The following PDE11A variants were observed in gnomAD, a reference collection of about 807,000 sequenced individuals.
The protein encoded by PDE11A is dual 3',5'-cyclic-AMP and -GMP phosphodiesterase 11A.
In PDE11A, 100 loss-of-function variants were observed where a neutral mutation model predicts 100.5. The ratio of observed to expected loss-of-function variants is 1.00; its 90% CI spans 0.85 to 1.18. The LOEUF (loss-of-function observed/expected upper bound fraction) is 1.18, where lower values mean the gene tolerates loss of function less well. Among genes scored for constraint, PDE11A ranks in the 50% most tolerant of loss-of-function variants. The probability of loss-of-function intolerance (pLI) is 0.00; values close to 1 mark genes in which losing one functional copy is unlikely to be tolerated. For missense variants in PDE11A, 1,141 were observed against 1,152.6 expected (o/e 0.99, Z 0.15); for synonymous variants, 381 against 420.8 (o/e 0.91, Z 1.16).
chr2:177,657,620 G>A lies in PDE11A; in HGVS notation c.2646+6246C>T, dbSNP rs4110136. 2.2e-4 allele frequency among the ~76,000 whole-genome samples: 34 copies of A among 151,964 alleles called. No homozygotes were observed. The South Asian group carries it at 7.1e-3, about 32-fold the overall frequency. ...AGCAAATGGAAATATTAGGGGAAGAGGGGGAGTGGGGAGAGGGGCAGGGAG... is the reference window on the plus strand; with the variant it reads ...AGCAAATGGAAATATTAGGGGAAGAAGGGGAGTGGGGAGAGGGGCAGGGAG... On this transcript the variant is annotated intron_variant, in intron 19 of 19. Coordinates refer to ENST00000286063, the MANE Select transcript of PDE11A (RefSeq NM_016953.4).
chr2:177,955,113 TG>T (rs1444218857), intron 2 of PDE11A, among the ~76,000 whole-genome samples: 1 of 152,166 alleles, frequency 6.6e-6, no homozygotes, highest in East Asian at 1.9e-4. Context: ...ATTAAAACAA[TG>T]GGAAAGGCTT....
intron 1 of PDE11A, among the ~76,000 whole-genome samples, chr2:178,023,418 G>A (rs2086438731): frequency 1.3e-5 from 2 of 152,202 alleles, no homozygotes; most frequent in African/African-American, 4.8e-5. Context: ...CCTAAGGCAA[G>A]ATTCAGAGTT....
chr2:177,654,230 A>C (rs16865524), intron 19 of PDE11A, among the ~76,000 whole-genome samples: 15,034 of 152,274 alleles, frequency 0.099, 928 homozygotes, highest in East Asian at 0.18. Context: ...TTCAAAGGAT[A>C]ATGTGAAAGT....
chr2:177,982,016 A>G (rs532171921), intron 2 of PDE11A, among the ~76,000 whole-genome samples: 1 of 151,092 alleles, frequency 6.6e-6, no homozygotes, highest in Non-Finnish European at 1.5e-5. Context: ...CTGGGCCTGC[A>G]AAAGTATATA....
At chr2:177,687,531 T>G (rs902679355) in intron 15 of PDE11A, 71 of 152,244 alleles carry the variant, frequency 4.7e-4, no homozygotes, top group African/African-American at 1.7e-3. Context: ...TGATGTATGC[T>G]ATTTCCATCT....
At chr2:177,754,648 G>A (rs1460934491) in intron 10 of PDE11A, among the ~76,000 whole-genome samples, 1 of 150,454 alleles carries the variant, frequency 6.6e-6, no homozygotes, top group South Asian at 2.1e-4. Context: ...TCAGTGTCAG[G>A]GGCAGCATTG....
chr2:177,631,655 G>GTA (rs1559117696), intron 19 of PDE11A, among the ~76,000 whole-genome samples: 1 of 132,374 alleles, frequency 7.6e-6, no homozygotes, highest in Non-Finnish European at 1.5e-5. Flanking sequence ...ATATGTGTGT[G>GTA]TATATATATA....
At chr2:178,053,114 A>T (rs1170137666) in intron 1 of PDE11A, among the ~76,000 whole-genome samples, 1 of 152,250 alleles carries the variant, frequency 6.6e-6, no homozygotes, top group Non-Finnish European at 1.5e-5. Context: ...AAAAATCCTC[A>T]ATAAAATACT....
rs907208350 is a variant in PDE11A at position 177,897,955 on chromosome 2, C to T, written c.1302+103G>A. 1.1e-4 allele frequency: 110 copies of T among 999,012 alleles called. No homozygotes were observed. The African/African-American group carries it at 1.6e-3, about 15-fold the overall frequency. The allele number at this position is 999,012 out of a possible 1,614,324, so 61.9% of individuals were successfully genotyped here. A position where few individuals can be genotyped will look rare whatever the true frequency, so the allele number is the denominator to read the frequency against. On this transcript the variant is annotated intron_variant, in intron 4 of 19. Transcript: ENST00000286063. ...AAGTTGCCCCATGGTTGAAGAGTCACGAAGAGTGAATCAAGTCACAATTTC... is the reference window on the plus strand; with the variant it reads ...AAGTTGCCCCATGGTTGAAGAGTCATGAAGAGTGAATCAAGTCACAATTTC...
At chr2:177,710,656 T>G (rs993572974) in intron 13 of PDE11A, among the ~76,000 whole-genome samples, 1 of 152,104 alleles carries the variant, frequency 6.6e-6, no homozygotes, top group South Asian at 2.1e-4. Context: ...CAGGAAATGA[T>G]AGGATATTGA....
At chr2:178,088,637 G>C (rs571855617) in intron 2 of PDE11A, among the ~76,000 whole-genome samples, 2 of 152,320 alleles carry the variant, frequency 1.3e-5, no homozygotes, top group East Asian at 3.9e-4. Context: ...ATGAAGACAT[G>C]AATTAGAATT....
chr2:177,687,414 A>G (rs926288015), intron 15 of PDE11A: 2 of 152,224 alleles, frequency 1.3e-5, no homozygotes, highest in African/African-American at 4.8e-5. Flanking sequence ...GTTTATACAA[A>G]TACGGTCATC....
chr2:177,765,628 C>T (rs1386140805), intron 10 of PDE11A, among the ~76,000 whole-genome samples: 1 of 152,188 alleles, frequency 6.6e-6, no homozygotes, highest in Non-Finnish European at 1.5e-5. Flanking sequence ...CTGACCCATT[C>T]TATCGGGAGC....
intron 2 of PDE11A, among the ~76,000 whole-genome samples, chr2:178,091,905 T>C (rs1028704035): frequency 2.0e-5 from 3 of 152,194 alleles, no homozygotes; most frequent in Non-Finnish European, 4.4e-5. Flanking sequence ...AGTATCTTAA[T>C]GCAGAAAGAT....
chr2:178,003,623 G>A (rs962248984), intron 2 of PDE11A, among the ~76,000 whole-genome samples: 23 of 152,148 alleles, frequency 1.5e-4, no homozygotes, highest in Non-Finnish European at 2.6e-4. Context: ...GTTTCTTCTG[G>A]GGTGATGGAA....
chr2:178,019,847 G>A (rs2086384335), intron 1 of PDE11A, among the ~76,000 whole-genome samples: 1 of 152,202 alleles, frequency 6.6e-6, no homozygotes, highest in Non-Finnish European at 1.5e-5. Flanking sequence ...TTACTGGAAT[G>A]GGGGAGATTG....
intron 1 of PDE11A, among the ~76,000 whole-genome samples, chr2:178,033,520 C>A (rs1182737165): frequency 6.6e-6 from 1 of 152,110 alleles, no homozygotes; most frequent in African/African-American, 2.4e-5. Context: ...GCAAGACAGG[C>A]CAACATTCAA....
chr2:177,840,063 TTGCTACAAATCA>T (rs2083464685), intron 6 of PDE11A, among the ~76,000 whole-genome samples, 176 bp downstream of exon 6: 1 of 152,216 alleles, frequency 6.6e-6, no homozygotes, highest in African/African-American at 2.4e-5. Flanking sequence ...GATAACCATC[TTGCTACAAATCA>T]TGGTAGAGTC....
chr2:177,712,247 T>C (rs915889672), intron 12 of PDE11A, among the ~76,000 whole-genome samples: 3 of 152,052 alleles, frequency 2.0e-5, no homozygotes, highest in African/African-American at 7.2e-5. Context: ...AGGTTGGAGG[T>C]TGGGGAATAG....
Sources: gnomAD v4.1 joint callset for allele counts (sites outside exome capture counted in the v4.1 genomes callset) on GRCh38, gnomAD v4.1.1 for gene constraint, MANE v1.5 for transcripts, NCBI Gene and HGNC (gene_info 2026-07-23, HGNC 2026-07-21) for gene names.